The following PREX2 variants were observed in gnomAD, a reference collection of about 807,000 sequenced individuals.
PREX2 encodes phosphatidylinositol 3,4,5-trisphosphate-dependent Rac exchanger 2 protein.
PREX2 carries 107 observed loss-of-function variants against 203.2 expected under a neutral mutation model. The observed-to-expected ratio is 0.53, with a 90% CI of 0.45 to 0.62. PREX2 has a LOEUF of 0.62. Ranked by LOEUF, PREX2 falls within the 20% of genes least tolerant of loss-of-function variation. PREX2 has a pLI of 0.00. For synonymous variants in PREX2, 672 were observed against 663.6 expected (o/e 1.01, Z -0.19); for missense variants, 1,777 against 1,955.9 (o/e 0.91, Z 1.72).
chr8:68,122,385 T>C (rs1317487954), intron 30 of PREX2, among the ~76,000 whole-genome samples: 2 of 152,094 alleles, frequency 1.3e-5, no homozygotes, highest in Non-Finnish European at 2.9e-5. Flanking sequence ...TCTGTGATAC[T>C]TTATAACATA....
chr8:68,099,926 C>A, intron 23 of PREX2, 83 bp downstream of exon 23: 3 of 1,242,250 alleles, frequency 2.4e-6, no homozygotes, highest in Non-Finnish European at 3.5e-6. Context: ...TTGATATTTT[C>A]TTTACATATT....
chr8:68,115,041 TTTTG>T (rs1810620456), intron 25 of PREX2, among the ~76,000 whole-genome samples: 1 of 146,230 alleles, frequency 6.8e-6, no homozygotes, highest in African/African-American at 2.6e-5. Context: ...TTTTTTTTTT[TTTTG>T]AGTTGGAGTT....
chr8:68,019,992 C>A (rs1350198794), intron 3 of PREX2, among the ~76,000 whole-genome samples: 1 of 152,152 alleles, frequency 6.6e-6, no homozygotes, highest in African/African-American at 2.4e-5. Flanking sequence ...AAACATAGAG[C>A]ATTTTTCTTT....
chr8:68,187,404 C>G (rs1455250776), intron 35 of PREX2, among the ~76,000 whole-genome samples: 2 of 152,138 alleles, frequency 1.3e-5, no homozygotes, highest in Non-Finnish European at 2.9e-5. Context: ...TATGCCTTAT[C>G]ATGGCTAAAA....
chr8:67,962,141 A>G (rs1805649886), intron 1 of PREX2, among the ~76,000 whole-genome samples: 1 of 152,178 alleles, frequency 6.6e-6, no homozygotes, highest in Admixed American at 6.5e-5. Context: ...CACTTTTGTT[A>G]TTTTAATTAT....
In PREX2 at chr8:68,133,861, G is replaced by A. The variant is rs139346233; in HGVS notation, c.3767-198G>A. On this transcript the variant is annotated intron_variant, in intron 31 of 39. Coordinates refer to ENST00000288368, the MANE Select transcript of PREX2 (RefSeq NM_024870.4). Reference sequence around the variant, plus strand: ...GAAAAAATATTTTAATATTTCTAACGTTTTTTGGTGTTTAGTGTTTTCTGT... The same window carrying A: ...GAAAAAATATTTTAATATTTCTAACATTTTTTGGTGTTTAGTGTTTTCTGT... Among the ~76,000 whole-genome samples, 977 of 152,178 alleles carry A rather than the reference G, an allele frequency of 6.4e-3. 12 individuals carry two copies. The highest frequency in any genetic ancestry group is 0.022 in the African/African-American group (911 of 41,506).
rs1367367437 is a variant in PREX2 at position 68,125,762 on chromosome 8, AT to A, written c.3725-1608del. ...AAAAATGCTTTATTCTAAATCTCAT[AT>A]TTTTTTTAGCAACCTATATTTTAGA... On this transcript the variant is annotated intron_variant, in intron 30 of 39. Transcript: ENST00000288368. Among the ~76,000 whole-genome samples, 12 of 151,790 alleles carry A rather than the reference AT, an allele frequency of 7.9e-5. No homozygotes were observed. The South Asian group carries it at 1.9e-3, about 24-fold the overall frequency.
intron 34 of PREX2, among the ~76,000 whole-genome samples, chr8:68,156,499 G>A (rs1355844083): frequency 6.6e-6 from 1 of 152,224 alleles, no homozygotes; most frequent in Non-Finnish European, 1.5e-5. Context: ...CACAAAGAAT[G>A]TTGTAGGGGA....
At chr8:68,138,379 C>A (rs1585822033) in intron 32 of PREX2, 36 bp from the exon 33 acceptor site, 1 of 1,101,666 alleles carries the variant, frequency 9.1e-7, no homozygotes, top group Non-Finnish European at 1.3e-6. Flanking sequence ...TGCTTTATAT[C>A]ATCTTGTATT....
chr8:68,152,218 A>G (rs1052344168), intron 34 of PREX2, among the ~76,000 whole-genome samples: 10 of 138,280 alleles, frequency 7.2e-5, no homozygotes, highest in African/African-American at 2.2e-4. Context: ...CCCGGGAGGC[A>G]GAGCTTGCAG....
intron 35 of PREX2, among the ~76,000 whole-genome samples, chr8:68,159,733 T>C (rs1585835821): frequency 6.6e-6 from 1 of 152,264 alleles, no homozygotes; most frequent in Non-Finnish European, 1.5e-5. Context: ...ACTATGCCAT[T>C]CCAGTCAAAG....
intron 1 of PREX2, among the ~76,000 whole-genome samples, chr8:67,962,774 T>C (rs1805668107): frequency 6.6e-6 from 1 of 151,260 alleles, no homozygotes; most frequent in African/African-American, 2.4e-5. Flanking sequence ...GCCTGGATAA[T>C]TTTTTGTATT....
intron 1 of PREX2, among the ~76,000 whole-genome samples, chr8:67,984,188 T>G (rs1806348886): frequency 6.6e-6 from 1 of 152,224 alleles, no homozygotes; most frequent in Admixed American, 6.5e-5. Flanking sequence ...TCTTCTCTTC[T>G]ACTTCTGAAC....
chr8:68,060,813 C>A (rs1172567291), intron 11 of PREX2, 34 bp downstream of exon 11: 3 of 1,320,152 alleles, frequency 2.3e-6, no homozygotes, highest in Non-Finnish European at 3.2e-6. Flanking sequence ...TTATTTAATG[C>A]ATTTATTGGC....
intron 37 of PREX2, among the ~76,000 whole-genome samples, chr8:68,213,293 C>T (rs1378748987): frequency 6.6e-6 from 1 of 152,202 alleles, no homozygotes; most frequent in Non-Finnish European, 1.5e-5. Flanking sequence ...ATATCATTTG[C>T]AGTTAAAACA....
chr8:67,978,814 A>G (rs565756939), intron 1 of PREX2, among the ~76,000 whole-genome samples: 3 of 152,290 alleles, frequency 2.0e-5, no homozygotes, highest in South Asian at 2.1e-4. Context: ...ATATATATCT[A>G]TATTTATTCT....
chr8:68,171,067 A>G (rs778614578), intron 35 of PREX2, among the ~76,000 whole-genome samples: 4 of 152,230 alleles, frequency 2.6e-5, no homozygotes, highest in Non-Finnish European at 5.9e-5. Flanking sequence ...AAAATCAAAA[A>G]GAGAAACAAG....
At chr8:68,030,378 A>T in intron 5 of PREX2, 119 bp from the exon 6 acceptor site, 2 of 807,480 alleles carry the variant, frequency 2.5e-6, no homozygotes, top group Non-Finnish European at 3.7e-6. Flanking sequence ...GGAATTTGTG[A>T]TGTCACTTAT....
At chr8:68,114,110 C>G (rs975977631) in intron 25 of PREX2, among the ~76,000 whole-genome samples, 1 of 152,180 alleles carries the variant, frequency 6.6e-6, no homozygotes, top group African/African-American at 2.4e-5. Flanking sequence ...GATCCACCCA[C>G]CTCGGCCTCC....
Sources: allele counts gnomAD v4.1 joint callset (sites outside exome capture counted in the v4.1 genomes callset), GRCh38; gene constraint gnomAD v4.1.1; transcripts MANE v1.5; gene names NCBI Gene and HGNC (gene_info 2026-07-23, HGNC 2026-07-21).